The following HAVCR1 variants were observed in gnomAD, a reference collection of about 807,000 sequenced individuals.
HAVCR1 encodes the protein T cell immunoglobin domain and mucin domain protein 1.
In HAVCR1, 34 loss-of-function variants were observed where a neutral mutation model predicts 32.0. The ratio of observed to expected loss-of-function variants is 1.06; its 90% CI spans 0.81 to 1.42. The LOEUF is 1.42. HAVCR1 is among the 40% of genes most tolerant of loss of function. The pLI is 0.00. For missense variants in HAVCR1, 420 were observed against 442.3 expected (o/e 0.95, Z 0.45); for synonymous variants, 178 against 170.3 (o/e 1.05, Z -0.35).
upstream of HAVCR1, among the ~76,000 whole-genome samples, chr5:157,061,870 C>A (rs13180943): frequency 0.071 from 10,825 of 152,078 alleles, 1,056 homozygotes; most frequent in African/African-American, 0.22. Flanking sequence ...AAATGATGAG[C>A]CAGAGAGAGC....
chr5:157,055,780 G>A (rs1368574894), intron 2 of HAVCR1, among the ~76,000 whole-genome samples: 2 of 151,852 alleles, frequency 1.3e-5, no homozygotes, highest in Non-Finnish European at 2.9e-5. Flanking sequence ...AGGGAGAAGT[G>A]CTTGAACCTG....
intron 7 of HAVCR1, among the ~76,000 whole-genome samples, chr5:157,035,762 T>C (rs1013703538): frequency 1.3e-5 from 2 of 151,850 alleles, no homozygotes; most frequent in East Asian, 1.9e-4. Context: ...AGGTTTGGCA[T>C]CCTCAGTTTC....
At chr5:157,053,741 G>C (rs71591086) in intron 3 of HAVCR1, among the ~76,000 whole-genome samples, 1 of 151,668 alleles carries the variant, frequency 6.6e-6, no homozygotes. Flanking sequence ...ATGGTGGTGC[G>C]CACCTGTAGT....
At position 157,048,312 on chromosome 5, in the gene HAVCR1, A is replaced by C. The variant is rs148383505; in HGVS notation, c.781+726T>G. Among the ~76,000 whole-genome samples the C allele has an allele frequency of 3.6e-3, 549 of 152,306 alleles. 2 individuals are homozygous for C. The highest frequency in any genetic ancestry group is 5.6e-3 in the Non-Finnish European group (384 of 68,012). On this transcript the variant is annotated intron_variant, in intron 5 of 8. Coordinates refer to ENST00000523175, the MANE Select transcript of HAVCR1 (RefSeq NM_001173393.3). The stretch of plus-strand genomic sequence containing the variant: ...TCAAAATAATATGTTCAGATTCAAG[A>C]CTGGTTGATTTGATTTCTAAAAACA...
rs1312301695 is a variant in HAVCR1 at position 157,058,082 on chromosome 5, G to A, written c.-12-127C>T. On this transcript the variant is annotated intron_variant, in intron 1 of 8. Coordinates refer to ENST00000523175, the MANE Select transcript of HAVCR1 (RefSeq NM_001173393.3). ...TTGATTCATATGAGCCTGCTCTGCT[G>A]GAAATGAGAGAAGACCACATATAAC... is the stretch of plus-strand genomic sequence containing the variant. 21 of 685,774 alleles carry A rather than the reference G, an allele frequency of 3.1e-5. No individual in the cohort carries two copies. In the East Asian group the frequency reaches 5.3e-4, roughly 17 times the overall value. 42.5% of individuals were successfully genotyped at this position (685,774 alleles called of 1,614,324 possible). A position where few individuals can be genotyped will look rare whatever the true frequency, so the allele number is the denominator to read the frequency against.
chr5:157,034,120 C>T (rs1311622231), intron 7 of HAVCR1, among the ~76,000 whole-genome samples: 3 of 151,994 alleles, frequency 2.0e-5, no homozygotes, highest in South Asian at 2.1e-4. Context: ...CCCAAGGGAC[C>T]GGCGCTCAGC....
chr5:157,037,871 G>C (rs1754628653), intron 6 of HAVCR1, among the ~76,000 whole-genome samples: 1 of 152,000 alleles, frequency 6.6e-6, no homozygotes, highest in South Asian at 2.1e-4. Flanking sequence ...AAAATCAGCT[G>C]GGTGTGGTGC....
chr5:157,033,695 A>G (rs190221875), intron 7 of HAVCR1, among the ~76,000 whole-genome samples: 1 of 152,216 alleles, frequency 6.6e-6, no homozygotes, highest in African/African-American at 2.4e-5. Flanking sequence ...CTTTGGGCCC[A>G]TTCATCTCCC....
At chr5:157,063,034 C>T (rs372442528), upstream of HAVCR1, among the ~76,000 whole-genome samples, 7 of 150,676 alleles carry the variant, frequency 4.6e-5, no homozygotes, top group South Asian at 4.2e-4. Context: ...GCAAGAGAAT[C>T]GCTTGAACCT....
the HAVCR1 span, among the ~76,000 whole-genome samples, chr5:157,068,841 G>A: frequency 6.6e-6 from 1 of 151,996 alleles, no homozygotes; most frequent in African/African-American, 2.4e-5. Flanking sequence ...AGATTCCTGG[G>A]CTCAAGCAAT....
chr5:157,057,883 C>G lies in HAVCR1; in HGVS notation c.46+15G>C. 1 of 1,607,444 alleles carries G rather than the reference C, an allele frequency of 6.2e-7. No homozygotes were observed. Among genetic ancestry groups the G allele is most frequent in the Non-Finnish European group, 8.5e-7 (1 of 1,174,016 alleles). On this transcript the variant is annotated intron_variant, in intron 2 of 8. Transcript: ENST00000523175. ...TCTACTCCCTTCTTCCCGCCCAGGG[C>G]ACCTACTCACTTACCTGCCAGATGT...
Position 157,054,140 on chromosome 5 carries a change from C to T in HAVCR1, c.379+1061G>A, listed in dbSNP as rs1252096132. 6.9e-4 allele frequency among the ~76,000 whole-genome samples: 101 copies of T among 146,572 alleles called. 1 individual carries two copies. The highest frequency in any genetic ancestry group is 2.2e-4 in the Non-Finnish European group (15 of 67,112). ...CAGGGGTTGCAGTGAGTAGCAATCA[C>T]ACCACCGCACTCCAGCCTGCTACCT... On this transcript the variant is annotated intron_variant, in intron 3 of 8. Coordinates refer to ENST00000523175, the MANE Select transcript of HAVCR1 (RefSeq NM_001173393.3).
the HAVCR1 span, among the ~76,000 whole-genome samples, chr5:157,064,423 G>A: frequency 1.3e-5 from 2 of 152,270 alleles, no homozygotes; most frequent in African/African-American, 4.8e-5. Flanking sequence ...TAAAGAGGCT[G>A]AGGCAGGAGA....
intron 4 of HAVCR1, among the ~76,000 whole-genome samples, chr5:157,050,363 C>T (rs1581714474): frequency 6.6e-6 from 1 of 152,268 alleles, no homozygotes; most frequent in East Asian, 1.9e-4. Context: ...TCCACTGCTC[C>T]TACAACCATA....
Position 157,052,554 on chromosome 5 carries a change from AGTCGTCATTGGAAC to A in HAVCR1, c.466_479del (p.Val156CysfsTer63). 1.3e-5 allele frequency: 3 copies of A among 231,296 alleles called. No homozygotes were observed. Among genetic ancestry groups the A allele is most frequent in the Non-Finnish European group, 1.7e-5 (3 of 173,418 alleles). The allele number at this position is 231,296 out of a possible 1,614,324, so 14.3% of individuals were successfully genotyped here. On this transcript the variant is annotated frameshift_variant, in exon 4 of 9. Coordinates refer to ENST00000523175, the MANE Select transcript of HAVCR1 (RefSeq NM_001173393.3). LOFTEE classifies it high-confidence loss of function. Reference sequence around the variant, plus strand: ...TTGTTGGAACAGTTGTCGTTGGAACAGTCGTCATTGGAACAGTCGTTGTCGTTGGAACAGTGGTG... The same window carrying A: ...TTGTTGGAACAGTTGTCGTTGGAACAAGTCGTTGTCGTTGGAACAGTGGTG...
rs747533294 is a variant in HAVCR1 at position 157,055,549 on chromosome 5, GAC to G, written c.47-18_47-17del. The G allele has an allele frequency of 2.0e-5, 29 of 1,449,306 alleles. No individual in the cohort carries two copies. In the Admixed American group the frequency reaches 5.8e-4, roughly 29 times the overall value. The allele number at this position is 1,449,306 out of a possible 1,614,324, so 89.8% of individuals were successfully genotyped here. On this transcript the variant is annotated splice_polypyrimidine_tract_variant and intron_variant, in intron 2 of 8. Transcript: ENST00000523175. The stretch of plus-strand genomic sequence containing the variant: ...GCTACAGAATCTGCAAAGAAGAAAA[GAC>G]AAACTGAGAATGAGCCCTCACTATT...
intron 5 of HAVCR1, among the ~76,000 whole-genome samples, chr5:157,047,606 A>G (rs1231129247): frequency 6.6e-6 from 1 of 152,082 alleles, no homozygotes; most frequent in African/African-American, 2.4e-5. Flanking sequence ...AGATAGTCAA[A>G]CACTTGGAGG....
In HAVCR1 at chr5:157,029,787, T is replaced by C. The variant is rs1472661140; in HGVS notation, c.1041A>G (p.Glu347=). ...IKALQNAVEK[E]VQAEDNIYIE... ...TGTAGATATTGTCTTCTGCTTGGACTTCCTTTTCAACTGCATTTTGCAAAG... is the reference window on the plus strand; with the variant it reads ...TGTAGATATTGTCTTCTGCTTGGACCTCCTTTTCAACTGCATTTTGCAAAG... The change falls in exon 9 of 9, where the codon GAA becomes GAG. Residue 347 remains glutamate (E), a synonymous_variant. Coordinates refer to ENST00000523175, the MANE Select transcript of HAVCR1 (RefSeq NM_001173393.3). 7 of 1,612,214 alleles carry C rather than the reference T, an allele frequency of 4.3e-6. No homozygotes were observed. Among genetic ancestry groups the C allele is most frequent in the Non-Finnish European group, 5.9e-6 (7 of 1,179,046 alleles).
At chr5:157,052,095 C>T (rs1370224993) in intron 4 of HAVCR1, among the ~76,000 whole-genome samples, 1 of 152,220 alleles carries the variant, frequency 6.6e-6, no homozygotes. Flanking sequence ...TGTTCTACAT[C>T]CGTGGTCCAG....
Sources: allele counts gnomAD v4.1 joint callset (sites outside exome capture counted in the v4.1 genomes callset), GRCh38; gene constraint gnomAD v4.1.1; transcripts MANE v1.5; gene names NCBI Gene and HGNC (gene_info 2026-07-23, HGNC 2026-07-21).